The following PXDNL variants were observed in gnomAD, a reference collection of about 807,000 sequenced individuals.
PXDNL encodes the protein probable oxidoreductase PXDNL.
A neutral mutation model predicts 150.8 loss-of-function variants in PXDNL; 145 were observed. The ratio of observed to expected loss-of-function variants is 0.96; its 90% CI spans 0.84 to 1.10. The LOEUF is 1.10. Among genes scored for constraint, PXDNL ranks in the 50% least tolerant of loss-of-function variants. The pLI, the probability that PXDNL is intolerant of heterozygous loss-of-function variation, is 0.00. For missense variants in PXDNL, 2,087 were observed against 1,873.9 expected (o/e 1.11, Z -2.10); for synonymous variants, 757 against 725.7 (o/e 1.04, Z -0.69).
At chr8:51,799,646 T>C (rs1300325826) in intron 1 of PXDNL, among the ~76,000 whole-genome samples, 2 of 152,186 alleles carry the variant, frequency 1.3e-5, no homozygotes, top group Non-Finnish European at 2.9e-5. Context: ...TCAACTATAC[T>C]TGTCTTTAGA....
At chr8:51,736,270 C>T (rs907835685) in intron 1 of PXDNL, among the ~76,000 whole-genome samples, 25 of 152,196 alleles carry the variant, frequency 1.6e-4, no homozygotes, top group Non-Finnish European at 2.2e-4. Flanking sequence ...TGATGTTTAT[C>T]ATAGACCTAA....
At chr8:51,342,250 A>G (rs1304826629) in intron 20 of PXDNL, among the ~76,000 whole-genome samples, 2 of 152,030 alleles carry the variant, frequency 1.3e-5, no homozygotes, top group African/African-American at 2.4e-5. Flanking sequence ...GCAGTAAAGT[A>G]TAAGAGAAAA....
chr8:51,763,566 C>A (rs1460142230), intron 1 of PXDNL, among the ~76,000 whole-genome samples: 2 of 152,142 alleles, frequency 1.3e-5, no homozygotes, highest in Non-Finnish European at 2.9e-5. Flanking sequence ...AGGTCAAATG[C>A]CGCACTTGAC....
chr8:51,408,245 A>C lies in PXDNL; in HGVS notation c.3379T>G (p.Phe1127Val). The C allele has an allele frequency of 6.2e-7, 1 of 1,614,020 alleles. No individual in the cohort carries two copies. Among genetic ancestry groups the C allele is most frequent in the Non-Finnish European group, 8.5e-7 (1 of 1,179,904 alleles). The change falls in exon 17 of 23, where the codon TTC (phenylalanine) becomes GTC (valine). Residue 1127 changes from phenylalanine (F) to valine (V), a missense_variant. Transcript: ENST00000356297. ...LLSPELTQRL[F>V]SAAYSAAVDS... ...ACGGCCGCAGAATAAGCCGCGGAGAAGAGCCTCTGGGTCAGCTCAGGACTG... is the reference window on the plus strand; with the variant it reads ...ACGGCCGCAGAATAAGCCGCGGAGACGAGCCTCTGGGTCAGCTCAGGACTG...
chr8:51,709,254 C>CT (rs545270965), intron 1 of PXDNL, among the ~76,000 whole-genome samples: 5,612 of 145,812 alleles, frequency 0.038, 319 homozygotes, highest in African/African-American at 0.12. Context: ...CCCCAAATCC[C>CT]TTTTTTTTTT....
intron 19 of PXDNL, 41 bp from the exon 20 acceptor site, chr8:51,345,988 G>T: frequency 8.3e-7 from 1 of 1,208,152 alleles, no homozygotes; most frequent in Non-Finnish European, 1.2e-6. Flanking sequence ...CATGTGAGAT[G>T]CGATGTCATG....
intron 1 of PXDNL, among the ~76,000 whole-genome samples, chr8:51,803,426 A>C (rs777212137): frequency 9.9e-5 from 15 of 152,170 alleles, no homozygotes; most frequent in Non-Finnish European, 1.9e-4. Flanking sequence ...AGACCAACAT[A>C]AACAACAAAA....
intron 1 of PXDNL, among the ~76,000 whole-genome samples, chr8:51,675,893 A>G (rs1815610680): frequency 6.6e-6 from 1 of 151,986 alleles, no homozygotes; most frequent in African/African-American, 2.4e-5. Context: ...ACGGAGCTCC[A>G]CTTCAGTCAA....
At chr8:51,428,724 C>G (rs929885624) in intron 12 of PXDNL, among the ~76,000 whole-genome samples, 13 of 152,008 alleles carry the variant, frequency 8.6e-5, no homozygotes, top group African/African-American at 3.1e-4. Flanking sequence ...GGACAACAAA[C>G]TTAAATATAA....
chr8:51,787,100 G>GA lies in PXDNL; in HGVS notation c.164+22080dup, dbSNP rs61051633. Among the ~76,000 whole-genome samples the GA allele has an allele frequency of 7.2e-3, 1,019 of 140,890 alleles. 12 individuals carry two copies. Among genetic ancestry groups the GA allele is most frequent in the East Asian group, 0.04 (195 of 4,870 alleles). 92.4% of individuals were successfully genotyped at this position (140,890 alleles called of 152,430 possible). ...GTCTACTGCTGCAACCTACTTCCCA[G>GA]AAAAAAAAAAAAAAAGAATCTTTTC... On this transcript the variant is annotated intron_variant, in intron 1 of 22. Transcript: ENST00000356297.
At position 51,675,792 on chromosome 8, in the gene PXDNL, CA is replaced by C. The variant is rs71550280; in HGVS notation, c.165-21033del. On this transcript the variant is annotated intron_variant, in intron 1 of 22. Coordinates refer to ENST00000356297, the MANE Select transcript of PXDNL (RefSeq NM_144651.5). ...TGGGCGACACAGCAAGGCTCCGTCT[CA>C]AAAAAAAAAAAAAAAAAATTGCCCA... Among the ~76,000 whole-genome samples the C allele has an allele frequency of 8.7e-3, 812 of 93,246 alleles. 6 individuals are homozygous for C. The highest frequency in any genetic ancestry group is 0.02 in the Middle Eastern group (3 of 148). 61.2% of individuals were successfully genotyped at this position (93,246 alleles called of 152,430 possible).
chr8:51,761,211 A>G (rs553236615), intron 1 of PXDNL, among the ~76,000 whole-genome samples: 6 of 151,990 alleles, frequency 3.9e-5, no homozygotes, highest in Non-Finnish European at 7.4e-5. Flanking sequence ...CTTGAACTGA[A>G]TGAGAGGCAT....
chr8:51,352,686 C>G (rs561416804), intron 19 of PXDNL, among the ~76,000 whole-genome samples: 1 of 152,150 alleles, frequency 6.6e-6, no homozygotes, highest in Non-Finnish European at 1.5e-5. Flanking sequence ...GTCAGAAACC[C>G]TCTTTTATTT....
chr8:51,603,425 G>A lies in PXDNL; in HGVS notation c.237-10727C>T, dbSNP rs184263183. On this transcript the variant is annotated intron_variant, in intron 2 of 22. Coordinates refer to ENST00000356297, the MANE Select transcript of PXDNL (RefSeq NM_144651.5). ...TATGTTTTTGAAGTAGTCACCTTGTGTGTGCTATGTAGTTCTTAATGAGTC... is the reference window on the plus strand; with the variant it reads ...TATGTTTTTGAAGTAGTCACCTTGTATGTGCTATGTAGTTCTTAATGAGTC... Among the ~76,000 whole-genome samples the A allele has an allele frequency of 1.7e-3, 263 of 152,014 alleles. 2 individuals carry two copies. The highest frequency in any genetic ancestry group is 5.8e-3 in the African/African-American group (242 of 41,500).
At chr8:51,703,096 A>C (rs1292828089) in intron 1 of PXDNL, among the ~76,000 whole-genome samples, 1 of 152,206 alleles carries the variant, frequency 6.6e-6, no homozygotes, top group East Asian at 1.9e-4. Context: ...ATGTGCATAC[A>C]GTACCAGGTA....
chr8:51,761,669 C>G (rs2037167969), intron 1 of PXDNL, among the ~76,000 whole-genome samples: 1 of 152,074 alleles, frequency 6.6e-6, no homozygotes, highest in African/African-American at 2.4e-5. Flanking sequence ...AAATGTACTT[C>G]CACCTGTGAT....
intron 1 of PXDNL, among the ~76,000 whole-genome samples, chr8:51,658,091 C>G (rs1312711017): frequency 6.6e-6 from 1 of 151,978 alleles, no homozygotes; most frequent in Non-Finnish European, 1.5e-5. Context: ...TGCCTGTAAT[C>G]CCAGCACTTT....
intron 14 of PXDNL, among the ~76,000 whole-genome samples, chr8:51,421,133 G>A (rs1319389527): frequency 6.6e-6 from 1 of 152,164 alleles, no homozygotes; most frequent in Non-Finnish European, 1.5e-5. Flanking sequence ...AAGACAGAGG[G>A]GCAATACAGA....
At chr8:51,786,400 G>T (rs1161153842) in intron 1 of PXDNL, among the ~76,000 whole-genome samples, 1 of 152,066 alleles carries the variant, frequency 6.6e-6, no homozygotes, top group Non-Finnish European at 1.5e-5. Flanking sequence ...GTGGAGACAG[G>T]ATTTCACCAT....
Sources: gnomAD v4.1 joint callset for allele counts (sites outside exome capture counted in the v4.1 genomes callset) on GRCh38, gnomAD v4.1.1 for gene constraint, MANE v1.5 for transcripts, NCBI Gene and HGNC (gene_info 2026-07-23, HGNC 2026-07-21) for gene names.